The following GALNT10 variants were observed in gnomAD, a reference collection of about 807,000 sequenced individuals.
GALNT10 encodes the protein polypeptide N-acetylgalactosaminyltransferase 10.
A neutral mutation model predicts 75.0 loss-of-function variants in GALNT10; 41 were observed. The observed-to-expected ratio is 0.55, with a 90% confidence interval of 0.43 to 0.71. The LOEUF (loss-of-function observed/expected upper bound fraction) is 0.71, where lower values mean the gene tolerates loss of function less well. Ranked by LOEUF, GALNT10 falls within the 30% of genes least tolerant of loss-of-function variation. The probability of loss-of-function intolerance (pLI) is 0.00; values close to 1 mark genes in which losing one functional copy is unlikely to be tolerated. For synonymous variants in GALNT10, 302 were observed against 313.0 expected (o/e 0.96, Z 0.37); for missense variants, 727 against 818.5 (o/e 0.89, Z 1.36).
At chr5:154,353,297 C>A (rs538070008) in intron 4 of GALNT10, among the ~76,000 whole-genome samples, 4 of 152,224 alleles carry the variant, frequency 2.6e-5, no homozygotes, top group Non-Finnish European at 4.4e-5. Flanking sequence ...CACCACCCCC[C>A]GCAAAACGAC....
At chr5:154,360,886 C>G (rs1581992091) in intron 4 of GALNT10, among the ~76,000 whole-genome samples, 1 of 152,210 alleles carries the variant, frequency 6.6e-6, no homozygotes, top group African/African-American at 2.4e-5. Flanking sequence ...CTTCCCCTCC[C>G]AGCTGGAGAT....
rs114117574 is a variant in GALNT10 at position 154,203,837 on chromosome 5, A to C, written c.159+12812A>C. On this transcript the variant is annotated intron_variant, in intron 1 of 11. Coordinates refer to ENST00000297107, the MANE Select transcript of GALNT10 (RefSeq NM_198321.4). ...CTCTTTCGAAAAGTTCCATTCCCAA[A>C]CTTGACCACTGTGTTTTATGTGGTC... 4.3e-3 allele frequency among the ~76,000 whole-genome samples: 651 copies of C among 152,270 alleles called. 3 individuals are homozygous for C. Among genetic ancestry groups the C allele is most frequent in the African/African-American group, 0.015 (632 of 41,544 alleles).
chr5:154,268,195 G>A (rs968772716), intron 1 of GALNT10, among the ~76,000 whole-genome samples: 2 of 152,174 alleles, frequency 1.3e-5, no homozygotes, highest in African/African-American at 4.8e-5. Context: ...CACCTTGTAA[G>A]GGAGCAAGTC....
chr5:154,399,590 A>G (rs1473414403), intron 7 of GALNT10, among the ~76,000 whole-genome samples: 1 of 152,216 alleles, frequency 6.6e-6, no homozygotes, highest in Non-Finnish European at 1.5e-5. Context: ...GAAGCAAAAA[A>G]GACAGTTCAT....
chr5:154,260,187 A>G (rs1162735670), intron 1 of GALNT10, among the ~76,000 whole-genome samples: 1 of 152,172 alleles, frequency 6.6e-6, no homozygotes, highest in Non-Finnish European at 1.5e-5. Flanking sequence ...CTTTAGCAGA[A>G]AATAAAAGAG....
At chr5:154,270,571 G>A (rs1753846197) in intron 1 of GALNT10, among the ~76,000 whole-genome samples, 1 of 152,042 alleles carries the variant, frequency 6.6e-6, no homozygotes, top group African/African-American at 2.4e-5. Flanking sequence ...GGTCCTTCAC[G>A]TTACAAAACG....
chr5:154,190,943 G>A lies in GALNT10; in HGVS notation c.77G>A (p.Gly26Glu), dbSNP rs541523345. The A allele has an allele frequency of 9.3e-6, 14 of 1,509,900 alleles. No homozygotes were observed. The South Asian group carries it at 1.5e-4, about 16-fold the overall frequency. The allele number at this position is 1,509,900 out of a possible 1,614,324, so 93.5% of individuals were successfully genotyped here. ...GCCCTGGTCCTCCTGCCCAACGTGG[G>A]GCTTTGGGCGCTGTACCGCGAGCGG... ...LAALVLLPNV[G>E]LWALYRERQP... The change falls in exon 1 of 12, where the codon GGG (glycine) becomes GAG (glutamate). Residue 26 changes from glycine (G) to glutamate (E), a missense_variant. Physicochemically the swap from Gly to Glu is moderately conservative, Grantham distance 98. Transcript: ENST00000297107.
intron 1 of GALNT10, among the ~76,000 whole-genome samples, chr5:154,289,370 T>C (rs1754158279): frequency 1.3e-5 from 2 of 152,214 alleles, no homozygotes; most frequent in South Asian, 4.1e-4. Context: ...ATGTTCCAAG[T>C]CATTAAACTA....
At chr5:154,400,454 A>G (rs1429995017) in intron 7 of GALNT10, among the ~76,000 whole-genome samples, 2 of 151,830 alleles carry the variant, frequency 1.3e-5, no homozygotes, top group South Asian at 2.1e-4. Context: ...TATATACCCC[A>G]TTACCCTGCC....
chr5:154,340,608 CA>C (rs2113130398), intron 4 of GALNT10, among the ~76,000 whole-genome samples: 1 of 152,208 alleles, frequency 6.6e-6, no homozygotes. Flanking sequence ...GCACGTTGGC[CA>C]AAAAGTAGGC....
chr5:154,206,353 AT>A (rs1775109375), intron 1 of GALNT10, among the ~76,000 whole-genome samples: 1 of 152,178 alleles, frequency 6.6e-6, no homozygotes, highest in African/African-American at 2.4e-5. Context: ...TCAACAATTT[AT>A]TTTTGTACTG....
intron 4 of GALNT10, among the ~76,000 whole-genome samples, chr5:154,369,291 G>T (rs1433204066): frequency 6.6e-6 from 1 of 152,182 alleles, no homozygotes; most frequent in Admixed American, 6.5e-5. Context: ...AGGAGGCTGA[G>T]GCAGGAGAAT....
At chr5:154,331,930 C>G (rs970861533) in intron 4 of GALNT10, among the ~76,000 whole-genome samples, 13 of 152,144 alleles carry the variant, frequency 8.5e-5, no homozygotes, top group African/African-American at 3.1e-4. Context: ...CTGAGGGAAG[C>G]CTTGGGGTCC....
At chr5:154,378,273 C>T (rs1425050283) in intron 5 of GALNT10, among the ~76,000 whole-genome samples, 1 of 152,204 alleles carries the variant, frequency 6.6e-6, no homozygotes, top group African/African-American at 2.4e-5. Flanking sequence ...GAGAAGGATT[C>T]ATCCTCCCTA....
At chr5:154,310,171 C>T (rs948153167) in intron 3 of GALNT10, among the ~76,000 whole-genome samples, 3 of 152,032 alleles carry the variant, frequency 2.0e-5, no homozygotes, top group Non-Finnish European at 4.4e-5. Context: ...GCTTCAAAGA[C>T]TATTTAGTAC....
At chr5:154,253,730 T>C (rs894048408) in intron 1 of GALNT10, among the ~76,000 whole-genome samples, 2 of 117,636 alleles carry the variant, frequency 1.7e-5, no homozygotes, top group Non-Finnish European at 3.5e-5. Context: ...TTTTTTTTTT[T>C]TGGTGTGGTA....
chr5:154,377,323 G>C (rs546644466), intron 5 of GALNT10, among the ~76,000 whole-genome samples: 1 of 152,344 alleles, frequency 6.6e-6, no homozygotes, highest in African/African-American at 2.4e-5. Context: ...GCCAGGGCTG[G>C]AGGCAGACTG....
chr5:154,246,885 A>AT (rs1753433743), intron 1 of GALNT10, among the ~76,000 whole-genome samples: 1 of 152,228 alleles, frequency 6.6e-6, no homozygotes, highest in African/African-American at 2.4e-5. Context: ...GTCCTTGCCC[A>AT]TGCCTACGTC....
chr5:154,375,758 A>G (rs1755644926), intron 4 of GALNT10, among the ~76,000 whole-genome samples: 1 of 152,192 alleles, frequency 6.6e-6, no homozygotes, highest in Admixed American at 6.5e-5. Flanking sequence ...ATTTTTCAAT[A>G]ATGCTGCAGA....
Sources: allele counts gnomAD v4.1 joint callset (sites outside exome capture counted in the v4.1 genomes callset), GRCh38; gene constraint gnomAD v4.1.1; transcripts MANE v1.5; gene names NCBI Gene and HGNC (gene_info 2026-07-23, HGNC 2026-07-21).